The following RPTOR variants were observed in gnomAD, a reference collection of about 807,000 sequenced individuals.
The protein encoded by RPTOR is regulatory associated protein of MTOR complex 1, also known as regulatory-associated protein of mTOR.
A neutral mutation model predicts 169.9 loss-of-function variants in RPTOR; 21 were observed. The observed-to-expected ratio is 0.12, with a 90% CI of 0.09 to 0.18. The LOEUF (loss-of-function observed/expected upper bound fraction) is 0.18. Among genes scored for constraint, RPTOR ranks in the 10% least tolerant of loss-of-function variants. The pLI is 1.00. For missense variants in RPTOR, 1,133 were observed against 1,855.9 expected, an observed-to-expected ratio of 0.61 and a Z score of 7.16; for synonymous variants, 732 against 753.2, an observed-to-expected ratio of 0.97 and a Z score of 0.46.
chr17:80,789,758 A>C (rs1272158387), intron 6 of RPTOR, among the ~76,000 whole-genome samples: 1 of 152,016 alleles, frequency 6.6e-6, no homozygotes, highest in Non-Finnish European at 1.5e-5. Flanking sequence ...ATGCAGAGTT[A>C]CTCTCATTTT....
intron 13 of RPTOR, among the ~76,000 whole-genome samples, chr17:80,858,729 G>A (rs1328930410): frequency 2.0e-5 from 3 of 152,218 alleles, no homozygotes; most frequent in African/African-American, 4.8e-5. Context: ...TCGGGCGGGG[G>A]TCCAAACATG....
intron 1 of RPTOR, among the ~76,000 whole-genome samples, chr17:80,554,029 A>G (rs1050276841): frequency 6.6e-6 from 1 of 152,052 alleles, no homozygotes; most frequent in African/African-American, 2.4e-5. Flanking sequence ...GGGGTCAGCC[A>G]CCACACCCCG....
rs2065635071 is a variant in RPTOR at position 80,651,012 on chromosome 17, T to G, written c.348+7202T>G. On this transcript the variant is annotated intron_variant, in intron 3 of 33. Transcript: ENST00000306801. The surrounding 1 kb of genome is among the most constrained non-coding windows in gnomAD (Gnocchi z 4.1). ...TTAACAAGGGAGTTGTCTGTGTGTA[T>G]GACAAATTGCAAATGAGGACCCCCC... Among the ~76,000 whole-genome samples the G allele has an allele frequency of 6.6e-6, 1 of 152,216 alleles. No homozygotes were observed. Among genetic ancestry groups the G allele is most frequent in the East Asian group, 1.9e-4 (1 of 5,202 alleles).
At position 80,964,238 on chromosome 17, in the gene RPTOR, C is replaced by T. The variant is rs369516384; in HGVS notation, c.3940-24C>T. 5 of 1,600,934 alleles carry T rather than the reference C, an allele frequency of 3.1e-6. No individual in the cohort carries two copies. The Admixed American group carries it at 5.0e-5, about 16-fold the overall frequency. ...GTGTCTGCCCGCACCTGAACCCCTG[C>T]TCACCCCTTCTCTCTCCTTGCAGCC... On this transcript the variant is annotated intron_variant, in intron 33 of 33. Coordinates refer to ENST00000306801, the MANE Select transcript of RPTOR (RefSeq NM_020761.3).
At chr17:80,729,205 C>T (rs1411064350) in intron 4 of RPTOR, among the ~76,000 whole-genome samples, 3 of 152,226 alleles carry the variant, frequency 2.0e-5, no homozygotes, top group African/African-American at 7.2e-5. Context: ...GGCCTTCTGT[C>T]CCTTTCCTCT....
rs977423641 is a variant in RPTOR at position 80,763,743 on chromosome 17, C to T, written c.830+9558C>T. Among the ~76,000 whole-genome samples the T allele has an allele frequency of 3.3e-5, 5 of 152,348 alleles. No homozygotes were observed. In the East Asian group the frequency reaches 9.6e-4, roughly 29 times the overall value. ...TTTACTAATCCGGAAGAATCAGCAT[C>T]GTGTGAACTCCGTGGCAGACCACAC... On this transcript the variant is annotated intron_variant, in intron 6 of 33. Transcript: ENST00000306801.
chr17:80,931,196 C>G (rs1245922544), intron 24 of RPTOR, among the ~76,000 whole-genome samples: 3 of 152,160 alleles, frequency 2.0e-5, no homozygotes. Flanking sequence ...CCACTCCCAC[C>G]TTGGAAATAA....
chr17:80,568,912 G>A (rs1568309512), intron 1 of RPTOR, among the ~76,000 whole-genome samples: 1 of 151,976 alleles, frequency 6.6e-6, no homozygotes, highest in Non-Finnish European at 1.5e-5. Flanking sequence ...CTCCTGGGCT[G>A]AAGTGACCTC....
At chr17:80,642,131 TTTGTTG>T (rs564517974) in intron 2 of RPTOR, among the ~76,000 whole-genome samples, 1 of 150,100 alleles carries the variant, frequency 6.7e-6, no homozygotes, top group African/African-American at 2.5e-5. Flanking sequence ...CAACTTCTTT[TTTGTTG>T]TTGTTGTTGT....
chr17:80,890,494 G>A (rs1389143662), intron 17 of RPTOR, among the ~76,000 whole-genome samples: 8 of 141,984 alleles, frequency 5.6e-5, no homozygotes, highest in South Asian at 2.6e-4. Flanking sequence ...GGCCATGGCC[G>A]TGAAGACGCA....
chr17:80,697,726 C>A (rs1475573761), intron 3 of RPTOR, among the ~76,000 whole-genome samples: 2 of 152,184 alleles, frequency 1.3e-5, no homozygotes, highest in South Asian at 2.1e-4. Flanking sequence ...AGAGGGCTCG[C>A]AGGTGGTGCT....
At position 80,934,185 on chromosome 17, in the gene RPTOR, C is replaced by T. The variant is rs185610393; in HGVS notation, c.2920-6311C>T. ...GTTTTGTTTCAGATGGGGTCTCATT[C>T]TGTTGCCCAGGCTGGGGTTCAGCGG... On this transcript the variant is annotated intron_variant, in intron 24 of 33. Transcript: ENST00000306801. Among the ~76,000 whole-genome samples the T allele has an allele frequency of 3.5e-3, 527 of 151,784 alleles. 3 individuals are homozygous for T. The highest frequency in any genetic ancestry group is 0.012 in the African/African-American group (496 of 41,290).
At chr17:80,840,165 C>T (rs1029358324) in intron 10 of RPTOR, among the ~76,000 whole-genome samples, 1 of 152,202 alleles carries the variant, frequency 6.6e-6, no homozygotes, top group Non-Finnish European at 1.5e-5. Flanking sequence ...CTTAGCTCCT[C>T]CCTTCCCCAG....
In RPTOR at chr17:80,746,360, C is replaced by T. The variant is rs527642444; in HGVS notation, c.655-7650C>T. On this transcript the variant is annotated intron_variant, in intron 5 of 33. Coordinates refer to ENST00000306801, the MANE Select transcript of RPTOR (RefSeq NM_020761.3). The surrounding 1 kb of genome is among the most constrained non-coding windows in gnomAD (Gnocchi z 4.5). ...CGGGTGATCCCCACCGCCCCCACAG[C>T]GGTGCTTTCTGCAGGGAGCGGACGG... Among the ~76,000 whole-genome samples the T allele has an allele frequency of 2.5e-3, 379 of 152,176 alleles. 3 individuals are homozygous for T. Among genetic ancestry groups the T allele is most frequent in the African/African-American group, 7.7e-3 (321 of 41,542 alleles).
chr17:80,876,255 CG>C, intron 13 of RPTOR, among the ~76,000 whole-genome samples: 8 of 76,002 alleles, frequency 1.1e-4, no homozygotes, highest in African/African-American at 1.5e-4. Context: ...GGTCTTCCAC[CG>C]AGCCCGTGCC....
chr17:80,679,711 G>A (rs1266750500), intron 3 of RPTOR, among the ~76,000 whole-genome samples: 1 of 152,254 alleles, frequency 6.6e-6, no homozygotes, highest in Non-Finnish European at 1.5e-5. Context: ...AGGAGTTGAA[G>A]TGTCTTCAGA....
At chr17:80,688,921 T>C (rs771513950) in intron 3 of RPTOR, among the ~76,000 whole-genome samples, 51 of 152,162 alleles carry the variant, frequency 3.4e-4, no homozygotes, top group Non-Finnish European at 6.2e-4. Flanking sequence ...CCAGAGGGAG[T>C]GCCTTTTTCT....
At chr17:80,831,566 G>T (rs935981531) in intron 9 of RPTOR, among the ~76,000 whole-genome samples, 1 of 152,226 alleles carries the variant, frequency 6.6e-6, no homozygotes, top group African/African-American at 2.4e-5. Context: ...TGAATTTCAT[G>T]CATGACTTTA....
At position 80,742,603 on chromosome 17, in the gene RPTOR, T is replaced by C. The variant is rs756107346; in HGVS notation, c.655-11407T>C. 2.6e-5 allele frequency among the ~76,000 whole-genome samples: 4 copies of C among 151,812 alleles called. No homozygotes were observed. In the South Asian group the frequency reaches 6.2e-4, roughly 24 times the overall value. ...AGACATATATGCATATAGACATGCATAGATGCCACACACATACACACGCAC... is the reference window on the plus strand; with the variant it reads ...AGACATATATGCATATAGACATGCACAGATGCCACACACATACACACGCAC... On this transcript the variant is annotated intron_variant, in intron 5 of 33. Transcript: ENST00000306801.
Sources: allele counts gnomAD v4.1 joint callset (sites outside exome capture counted in the v4.1 genomes callset), GRCh38; gene constraint gnomAD v4.1.1; non-coding constraint Gnocchi (gnomAD v3.1); transcripts MANE v1.5; gene names NCBI Gene and HGNC (gene_info 2026-07-23, HGNC 2026-07-21).